Variants in RIPOR3 observed in about 807,000 individuals in gnomAD.
RIPOR3 encodes RIPOR family member 3, also known as family with sequence similarity 65 member C.
In RIPOR3, 95 loss-of-function variants were observed where a neutral mutation model predicts 114.3. The ratio of observed to expected loss-of-function variants is 0.83; its 90% CI spans 0.70 to 0.99. The LOEUF (loss-of-function observed/expected upper bound fraction) is 0.99, where lower values mean the gene tolerates loss of function less well. Among genes scored for constraint, RIPOR3 ranks in the 50% least tolerant of loss-of-function variants. RIPOR3 has a pLI of 0.00. For missense variants in RIPOR3, 1,252 were observed against 1,266.9 expected (o/e 0.99, Z 0.18); for synonymous variants, 575 against 543.8 (o/e 1.06, Z -0.80).
At chr20:50,628,580 C>T (rs1402078111) in intron 2 of RIPOR3, among the ~76,000 whole-genome samples, 2 of 152,130 alleles carry the variant, frequency 1.3e-5, no homozygotes, top group Non-Finnish European at 2.9e-5. Flanking sequence ...TCTCGTCAGG[C>T]TCTCCCAGGA....
intron 11 of RIPOR3, among the ~76,000 whole-genome samples, chr20:50,606,858 T>C (rs1419763065): frequency 6.6e-6 from 1 of 152,106 alleles, no homozygotes; most frequent in African/African-American, 2.4e-5. Flanking sequence ...GCCTCCCAAG[T>C]AGCTGAAACT....
chr20:50,666,181 C>CCTTTTCTTTCTTTTCTTTT (rs1600720832), intron 1 of RIPOR3, among the ~76,000 whole-genome samples: 2 of 14,964 alleles, frequency 1.3e-4, no homozygotes, highest in South Asian at 6.4e-3. Context: ...GAAAGGACAC[C>CCTTTTCTTTCTTTTCTTTT]CATTTCTTTT....
intron 1 of RIPOR3, among the ~76,000 whole-genome samples, chr20:50,632,933 C>T (rs1034469694): frequency 5.9e-5 from 9 of 152,234 alleles, no homozygotes; most frequent in Non-Finnish European, 1.2e-4. Context: ...CTACAGTCCC[C>T]TCCTGTGCTG....
intron 2 of RIPOR3, among the ~76,000 whole-genome samples, chr20:50,623,093 G>A (rs1009611147): frequency 4.6e-5 from 7 of 151,694 alleles, no homozygotes; most frequent in African/African-American, 9.7e-5. Context: ...GTGAAACCCC[G>A]TCTCTACTAA....
intron 1 of RIPOR3, among the ~76,000 whole-genome samples, chr20:50,666,499 C>T (rs1276009063): frequency 6.6e-6 from 1 of 151,758 alleles, no homozygotes; most frequent in Non-Finnish European, 1.5e-5. Context: ...GCTGGGATTA[C>T]AGGCGTGAGT....
chr20:50,648,999 C>A (rs147546080), intron 1 of RIPOR3, among the ~76,000 whole-genome samples: 1 of 152,330 alleles, frequency 6.6e-6, no homozygotes, highest in East Asian at 1.9e-4. Context: ...AGAATCCTTC[C>A]TTGCCTCTTC....
intron 1 of RIPOR3, among the ~76,000 whole-genome samples, chr20:50,684,889 C>T (rs2086963992): frequency 6.6e-6 from 1 of 152,198 alleles, no homozygotes. Context: ...GAGCCTCCTA[C>T]CTCAGTTTCC....
At chr20:50,671,990 ATGGATGGATGG>A (rs2086523970) in intron 1 of RIPOR3, among the ~76,000 whole-genome samples, 1 of 6,874 alleles carries the variant, frequency 1.5e-4, no homozygotes, top group East Asian at 0.031. Flanking sequence ...GCGTGGATGG[ATGGATGGATGG>A]ATGGATGGAT....
Position 50,597,619 on chromosome 20 carries a change from A to G in RIPOR3, c.1751T>C (p.Leu584Pro), listed in dbSNP as rs6020624. The change falls in exon 14 of 22, where the codon CTG (leucine) becomes CCG (proline). Residue 584 changes from leucine (L) to proline (P), a missense_variant. Coordinates refer to ENST00000327979, the MANE Select transcript of RIPOR3 (RefSeq NM_001290268.2). ...SFAFLNADFA[L>P]DELSLFGGSQ... Reference sequence around the variant, plus strand: ...GCCCCCAAACAGGGACAGCTCATCCAGGGCGAAGTCGGCATTGAGGAAGGC... The same window carrying G: ...GCCCCCAAACAGGGACAGCTCATCCGGGGCGAAGTCGGCATTGAGGAAGGC... 1,127,163 of 1,610,000 alleles carry G rather than the reference A, an allele frequency of 0.7. 395,536 individuals carry two copies. The highest frequency in any genetic ancestry group is 0.78 in the Middle Eastern group (4,691 of 6,052).
intron 1 of RIPOR3, among the ~76,000 whole-genome samples, chr20:50,664,895 A>T (rs575856983): frequency 1.7e-4 from 26 of 152,090 alleles, no homozygotes; most frequent in Non-Finnish European, 3.2e-4. Flanking sequence ...TGAGGTTAGG[A>T]GTTTGAGACC....
At chr20:50,631,627 G>C (rs116803252) in intron 1 of RIPOR3, among the ~76,000 whole-genome samples, 8 of 152,286 alleles carry the variant, frequency 5.3e-5, no homozygotes, top group South Asian at 4.1e-4. Flanking sequence ...CTTTCAGCAG[G>C]GGGTGGAAAA....
chr20:50,671,020 C>T (rs111959238), intron 1 of RIPOR3, among the ~76,000 whole-genome samples: 221 of 152,274 alleles, frequency 1.5e-3, no homozygotes, highest in African/African-American at 4.9e-3. Flanking sequence ...CTCCACCTCC[C>T]GGCTTCAAGT....
intron 11 of RIPOR3, among the ~76,000 whole-genome samples, chr20:50,607,635 G>A (rs1319065856): frequency 2.0e-5 from 3 of 152,106 alleles, no homozygotes; most frequent in African/African-American, 4.8e-5. Flanking sequence ...CCTGGGCGAG[G>A]GGTATTCTCA....
At chr20:50,614,947 C>T (rs2123112445) in intron 4 of RIPOR3, among the ~76,000 whole-genome samples, 1 of 152,170 alleles carries the variant, frequency 6.6e-6, no homozygotes, top group South Asian at 2.1e-4. Context: ...ATCCCAGCTA[C>T]TCAGGAGGCT....
intron 20 of RIPOR3, among the ~76,000 whole-genome samples, chr20:50,588,731 C>T (rs1601428955): frequency 8.9e-6 from 1 of 111,914 alleles, no homozygotes; most frequent in Admixed American, 1.1e-4. Context: ...ATAGCCCCTT[C>T]ATAAAGAATT....
rs1052480382 is a variant in RIPOR3, at chr20:50,636,557, C to T, written c.4-5701G>A. The T allele has an allele frequency of 9.1e-6, 9 of 985,546 alleles. No homozygotes were observed. The African/African-American group carries it at 1.6e-4, about 17-fold the overall frequency. 61.1% of individuals were successfully genotyped at this position (985,546 alleles called of 1,614,324 possible). A position where few individuals can be genotyped will look rare whatever the true frequency, so the allele number is the denominator to read the frequency against. ...TGGGCCCCAGGGCAGAGAAGGGAGGCACAGAGTCATGCAGTTCCCAAACCT... is the reference window on the plus strand; with the variant it reads ...TGGGCCCCAGGGCAGAGAAGGGAGGTACAGAGTCATGCAGTTCCCAAACCT... On this transcript the variant is annotated intron_variant, in intron 1 of 21. Transcript: ENST00000327979.
At chr20:50,638,508 C>G (rs1219644240) in intron 1 of RIPOR3, among the ~76,000 whole-genome samples, 1 of 152,180 alleles carries the variant, frequency 6.6e-6, no homozygotes, top group East Asian at 1.9e-4. Context: ...CCATCACTGC[C>G]TCGTCACCAC....
chr20:50,607,187 G>C (rs1278375980), intron 11 of RIPOR3, among the ~76,000 whole-genome samples: 1 of 152,230 alleles, frequency 6.6e-6, no homozygotes, highest in East Asian at 1.9e-4. Flanking sequence ...CCCCCAGTTA[G>C]AGGCCCCTTT....
At chr20:50,684,028 C>T (rs1196824446) in intron 1 of RIPOR3, among the ~76,000 whole-genome samples, 1 of 151,852 alleles carries the variant, frequency 6.6e-6, no homozygotes, top group African/African-American at 2.4e-5. Context: ...TTGCAGTGAG[C>T]CGAGATTACA....
Sources: allele counts gnomAD v4.1 joint callset (sites outside exome capture counted in the v4.1 genomes callset), GRCh38; gene constraint gnomAD v4.1.1; transcripts MANE v1.5; gene names NCBI Gene and HGNC (gene_info 2026-07-23, HGNC 2026-07-21).